GMPS: variants seen among roughly 807,000 people sequenced by gnomAD.
GMPS encodes GMP synthase [glutamine-hydrolyzing].
Under a neutral mutation model 77.9 loss-of-function variants are expected in GMPS, and 15 were observed. The observed-to-expected ratio is 0.19, with a 90% CI of 0.13 to 0.30. GMPS has a LOEUF of 0.30. GMPS is among the 10% of genes least tolerant of loss of function. The pLI, the probability that GMPS is intolerant of heterozygous loss-of-function variation, is 1.00. For missense variants in GMPS, 590 were observed against 838.8 expected (o/e 0.70, Z 3.66); for synonymous variants, 224 against 275.9 (o/e 0.81, Z 1.86).
chr3:155,885,488 T>A (rs1193914484), intron 1 of GMPS, among the ~76,000 whole-genome samples: 1 of 152,226 alleles, frequency 6.6e-6, no homozygotes, highest in Non-Finnish European at 1.5e-5. Flanking sequence ...CAAATGTAGA[T>A]CTAATATTGT....
At position 155,903,900 on chromosome 3, in the gene GMPS, A is replaced by G. The variant is rs201024446; in HGVS notation, c.362A>G (p.Lys121Arg). ...NKVFGGTVHKKSVREDGVFNI... is the reference protein window; with the variant it reads ...NKVFGGTVHKRSVREDGVFNI... ...GTATTTGGAGGTACTGTGCACAAAAAAAGTGTCAGAGAAGATGGAGTTTTC... is the reference window on the plus strand; with the variant it reads ...GTATTTGGAGGTACTGTGCACAAAAGAAGTGTCAGAGAAGATGGAGTTTTC... Residue 121 changes from lysine to arginine, a missense_variant, in exon 4 of 16, where the codon AAA becomes AGA. By Grantham distance (26) the Lys-to-Arg change is conservative (BLOSUM62 2). Around this residue, in one of 6 missense-constraint regions of GMPS, gnomAD observed 136 missense variants for 225.6 expected, o/e 0.60. Coordinates refer to ENST00000496455, the MANE Select transcript of GMPS (RefSeq NM_003875.3). 204 of 1,562,190 alleles carry G rather than the reference A, an allele frequency of 1.3e-4. No individual in the cohort carries two copies. The highest frequency in any genetic ancestry group is 1.7e-4 in the Non-Finnish European group (197 of 1,145,262).
intron 2 of GMPS, among the ~76,000 whole-genome samples, chr3:155,896,170 C>T (rs544030640): frequency 2.6e-4 from 39 of 152,036 alleles, no homozygotes; most frequent in African/African-American, 8.0e-4. Context: ...CCACCATGCC[C>T]GGCTAATTTT....
chr3:155,893,496 G>A, intron 1 of GMPS, 22 bp from the exon 2 acceptor site: 2 of 1,528,226 alleles, frequency 1.3e-6, no homozygotes, highest in Non-Finnish European at 1.8e-6. Flanking sequence ...TTAAGACTTT[G>A]TATTTGTATT....
rs796155249 is a variant in GMPS at position 155,894,543 on chromosome 3, C to CT, written c.209+854dup. Among the ~76,000 whole-genome samples, 407 of 148,284 alleles carry CT rather than the reference C, an allele frequency of 2.7e-3. 3 individuals are homozygous for CT. Among genetic ancestry groups the CT allele is most frequent in the African/African-American group, 9.5e-3 (384 of 40,568 alleles). ...CCGGCCAGTGTCATGCTTTTTAATGCTTTTTTTTTTATTGTTGTTTTTTCT... is the reference window on the plus strand; with the variant it reads ...CCGGCCAGTGTCATGCTTTTTAATGCTTTTTTTTTTTATTGTTGTTTTTTCT... On this transcript the variant is annotated intron_variant, in intron 2 of 15. Transcript: ENST00000496455.
chr3:155,934,391 A>G (rs1467237989), intron 13 of GMPS, among the ~76,000 whole-genome samples: 2 of 152,232 alleles, frequency 1.3e-5, no homozygotes, highest in East Asian at 3.9e-4. Context: ...GCTTCTTCCT[A>G]CTATCGAGTG....
chr3:155,924,660 A>G (rs572815810), intron 11 of GMPS, among the ~76,000 whole-genome samples: 1 of 152,332 alleles, frequency 6.6e-6, no homozygotes, highest in East Asian at 1.9e-4. Context: ...ATAGATAATT[A>G]CAGAAAAAGA....
chr3:155,909,451 G>A (rs1754975515), intron 5 of GMPS, among the ~76,000 whole-genome samples: 2 of 152,290 alleles, frequency 1.3e-5, no homozygotes, highest in Admixed American at 1.3e-4. Context: ...GATAGACAAG[G>A]CAACTGAAGT....
At chr3:155,876,766 G>C (rs1193135719) in intron 1 of GMPS, among the ~76,000 whole-genome samples, 1 of 152,088 alleles carries the variant, frequency 6.6e-6, no homozygotes, top group Non-Finnish European at 1.5e-5. Flanking sequence ...GTATACATTA[G>C]CATTATTTTT....
chr3:155,897,847 C>A, intron 2 of GMPS, 80 bp from the exon 3 acceptor site: 1 of 731,534 alleles, frequency 1.4e-6, no homozygotes, highest in Admixed American at 2.1e-5. Context: ...TTGTTTCCCT[C>A]AGTGGTACAA....
At position 155,870,853 on chromosome 3, in the gene GMPS, G is replaced by A; in HGVS notation, c.-18G>A. ...TCGTACTGTCGCCGTCACCGCCGCG[G>A]CTCCGGCCCTGGCCCCGATGGCTCT... On this transcript the variant is annotated 5_prime_UTR_variant, in exon 1 of 16. Coordinates refer to ENST00000496455, the MANE Select transcript of GMPS (RefSeq NM_003875.3). 1 of 1,496,326 alleles carries A rather than the reference G, an allele frequency of 6.7e-7. No homozygotes were observed. The highest frequency in any genetic ancestry group is 8.9e-7 in the Non-Finnish European group (1 of 1,123,326). The allele number at this position is 1,496,326 out of a possible 1,614,324, so 92.7% of individuals were successfully genotyped here. A position where few individuals can be genotyped will look rare whatever the true frequency, so the allele number is the denominator to read the frequency against.
chr3:155,890,943 TG>T (rs1211718119), intron 1 of GMPS, among the ~76,000 whole-genome samples: 1 of 152,238 alleles, frequency 6.6e-6, no homozygotes, highest in Non-Finnish European at 1.5e-5. Flanking sequence ...AAAAGTCCTT[TG>T]GGGTTTATCA....
Position 155,910,727 on chromosome 3 carries a change from C to G in GMPS, c.562C>G (p.Gln188Glu). The G allele has an allele frequency of 6.2e-7, 1 of 1,600,812 alleles. No individual in the cohort carries two copies. Among genetic ancestry groups the G allele is most frequent in the Non-Finnish European group, 8.5e-7 (1 of 1,174,338 alleles). The change falls in exon 6 of 16, where the codon CAG (glutamine) becomes GAG (glutamate). Residue 188 changes from glutamine to glutamate, a missense_variant. By Grantham distance (29) the Gln-to-Glu change is conservative (BLOSUM62 2). This residue lies in a region of GMPS where 136 missense variants were observed against 225.6 expected (regional missense o/e 0.60). Coordinates refer to ENST00000496455, the MANE Select transcript of GMPS (RefSeq NM_003875.3). Reference sequence around the variant, plus strand: ...TGAATCTAAAAAGTTATATGGAGCACAGTTCCACCCTGAAGTTGGCCTTAC... The same window carrying G: ...TGAATCTAAAAAGTTATATGGAGCAGAGTTCCACCCTGAAGTTGGCCTTAC... ...ANESKKLYGA[Q>E]FHPEVGLTEN...
chr3:155,907,876 G>A (rs1754931805), intron 5 of GMPS, among the ~76,000 whole-genome samples: 1 of 152,120 alleles, frequency 6.6e-6, no homozygotes, highest in African/African-American at 2.4e-5. Context: ...AGAGATCCTG[G>A]GTGGGGACCA....
chr3:155,921,207 C>A (rs148271413), intron 10 of GMPS, among the ~76,000 whole-genome samples: 69 of 152,206 alleles, frequency 4.5e-4, no homozygotes, highest in African/African-American at 1.5e-3. Context: ...GAGCTGAGAT[C>A]GTGCCACTGC....
intron 1 of GMPS, among the ~76,000 whole-genome samples, chr3:155,880,491 G>T (rs1189694455): frequency 6.6e-6 from 1 of 152,102 alleles, no homozygotes; most frequent in Admixed American, 6.6e-5. Flanking sequence ...GTTTTGTTTT[G>T]CTTGTTTTTA....
chr3:155,886,043 A>G (rs1244236240), intron 1 of GMPS, among the ~76,000 whole-genome samples: 1 of 151,554 alleles, frequency 6.6e-6, no homozygotes, highest in Non-Finnish European at 1.5e-5. Context: ...CTGGTCTCAA[A>G]CTCCTGGCCT....
chr3:155,916,997 C>G (rs1319441508), intron 9 of GMPS, among the ~76,000 whole-genome samples: 1 of 146,320 alleles, frequency 6.8e-6, no homozygotes, highest in Non-Finnish European at 1.5e-5. Context: ...TTTTTTGAGA[C>G]AGAGTCTCAC....
chr3:155,925,446 C>T (rs1005386376), intron 12 of GMPS, 80 bp downstream of exon 12: 3 of 1,207,096 alleles, frequency 2.5e-6, no homozygotes, highest in African/African-American at 1.5e-5. Context: ...ACTGTGTTGC[C>T]CAGGCTGGAG....
rs1411286189 is a variant in GMPS, at chr3:155,879,819, C to T, written c.27+8922C>T. ...GATCTCAGCTCACTGCAACCTCCAC[C>T]TCCTGGGTTCAAGCAATTCTCCTGC... On this transcript the variant is annotated intron_variant, in intron 1 of 15. Transcript: ENST00000496455. 2.0e-5 allele frequency among the ~76,000 whole-genome samples: 3 copies of T among 150,852 alleles called. No individual in the cohort carries two copies. In the East Asian group the frequency reaches 5.8e-4, roughly 29 times the overall value.
Sources: allele counts gnomAD v4.1 joint callset (sites outside exome capture counted in the v4.1 genomes callset), GRCh38; gene constraint gnomAD v4.1.1; regional missense constraint gnomAD v4.1.1; transcripts MANE v1.5; gene names NCBI Gene and HGNC (gene_info 2026-07-23, HGNC 2026-07-21).